Variants in FTO observed in about 807,000 individuals in gnomAD.
FTO encodes alpha-ketoglutarate-dependent dioxygenase FTO.
FTO carries 47 observed loss-of-function variants against 63.9 expected under a neutral mutation model. The observed-to-expected ratio is 0.74, with a 90% CI of 0.58 to 0.94. The LOEUF (loss-of-function observed/expected upper bound fraction) is 0.94, where lower values mean the gene tolerates loss of function less well. FTO is among the 40% of genes least tolerant of loss of function. FTO has a pLI of 0.00. For missense variants in FTO, 562 were observed against 618.1 expected, an observed-to-expected ratio of 0.91 and a Z score of 0.96; for synonymous variants, 207 against 224.4, an observed-to-expected ratio of 0.92 and a Z score of 0.69.
chr16:53,818,989 G>C (rs1489038184), intron 2 of FTO, among the ~76,000 whole-genome samples: 3 of 152,084 alleles, frequency 2.0e-5, no homozygotes, highest in African/African-American at 7.2e-5. Context: ...TTTAGGTTCT[G>C]ATAGATCTTG....
At chr16:53,924,254 T>TC (rs1455384337) in intron 7 of FTO, among the ~76,000 whole-genome samples, 1 of 152,232 alleles carries the variant, frequency 6.6e-6, no homozygotes, top group Non-Finnish European at 1.5e-5. Context: ...TTCGGTGCTA[T>TC]TACTTATACC....
At chr16:54,057,621 G>A (rs1273588954) in intron 8 of FTO, among the ~76,000 whole-genome samples, 3 of 151,750 alleles carry the variant, frequency 2.0e-5, no homozygotes, top group African/African-American at 7.3e-5. Context: ...GGGCCACCAC[G>A]CCTGGCTAAT....
At chr16:54,059,001 T>C (rs1213305458) in intron 8 of FTO, among the ~76,000 whole-genome samples, 1 of 152,180 alleles carries the variant, frequency 6.6e-6, no homozygotes, top group Non-Finnish European at 1.5e-5. Context: ...TGAACCAAAG[T>C]AGGAGAGATA....
chr16:53,860,081 A>G lies in FTO; in HGVS notation c.896-13705A>G, dbSNP rs114366741. Among the ~76,000 whole-genome samples the G allele has an allele frequency of 5.6e-3, 859 of 152,038 alleles. 15 individuals are homozygous for G. The highest frequency in any genetic ancestry group is 0.02 in the African/African-American group (825 of 41,322). On this transcript the variant is annotated intron_variant, in intron 4 of 8. Transcript: ENST00000471389. The stretch of plus-strand genomic sequence containing the variant: ...ATTGAATAAAGAAAATGCAGTAGGT[A>G]TATCTATATCTATATCTACACACAC...
intron 3 of FTO, among the ~76,000 whole-genome samples, chr16:53,833,878 G>A (rs951514522): frequency 1.3e-5 from 2 of 151,874 alleles, no homozygotes; most frequent in Admixed American, 6.6e-5. Flanking sequence ...TATCTTCTTT[G>A]GAGACATGTC....
intron 8 of FTO, among the ~76,000 whole-genome samples, chr16:53,986,808 T>A (rs551754240): frequency 7.5e-4 from 114 of 152,352 alleles, no homozygotes; most frequent in African/African-American, 2.6e-3. Context: ...GACATTAAAT[T>A]ACTGAGTAAA....
chr16:53,787,808 C>T (rs1427662720), intron 1 of FTO, among the ~76,000 whole-genome samples: 3 of 152,138 alleles, frequency 2.0e-5, no homozygotes, highest in Non-Finnish European at 2.9e-5. Context: ...GGCAAATGAG[C>T]GTAGACTCCA....
chr16:53,775,814 A>G (rs894176623), intron 1 of FTO, among the ~76,000 whole-genome samples: 8 of 152,044 alleles, frequency 5.3e-5, no homozygotes, highest in African/African-American at 1.9e-4. Flanking sequence ...TATTCCTTTG[A>G]TCACTTAGGC....
intron 8 of FTO, among the ~76,000 whole-genome samples, chr16:54,014,956 A>C (rs2144102449): frequency 6.6e-6 from 1 of 150,960 alleles, no homozygotes; most frequent in South Asian, 2.1e-4. Flanking sequence ...CCTAGCCCCA[A>C]GCAATCCTCC....
At chr16:53,891,576 A>G (rs975694147) in intron 7 of FTO, among the ~76,000 whole-genome samples, 2 of 152,118 alleles carry the variant, frequency 1.3e-5, no homozygotes, top group Non-Finnish European at 2.9e-5. Flanking sequence ...TGGGAGGATC[A>G]TTGGAGCCCA....
chr16:53,925,284 G>A (rs35013387), intron 7 of FTO, among the ~76,000 whole-genome samples: 6,199 of 152,146 alleles, frequency 0.041, 201 homozygotes, highest in Non-Finnish European at 0.052. Context: ...GTGCAGAGGG[G>A]AAATACAGCC....
intron 8 of FTO, chr16:53,985,013 A>C: frequency 2.2e-6 from 1 of 455,992 alleles, no homozygotes; most frequent in Non-Finnish European, 4.4e-6. Flanking sequence ...CAAATAGGTG[A>C]AGTTTAGTTT....
intron 7 of FTO, among the ~76,000 whole-genome samples, chr16:53,922,604 A>G (rs1259858880): frequency 5.3e-5 from 8 of 152,220 alleles, no homozygotes; most frequent in Non-Finnish European, 8.8e-5. Context: ...AAAATCCTTG[A>G]AAGGAAAACA....
chr16:53,821,683 C>T (rs118137179), intron 2 of FTO, among the ~76,000 whole-genome samples: 2 of 152,224 alleles, frequency 1.3e-5, no homozygotes, highest in East Asian at 3.9e-4. Context: ...CCACACTTAC[C>T]TAGTAAAGTC....
intron 8 of FTO, among the ~76,000 whole-genome samples, chr16:54,081,832 G>T (rs529454887): frequency 6.6e-6 from 1 of 152,262 alleles, no homozygotes; most frequent in African/African-American, 2.4e-5. Context: ...ATTAAATCTG[G>T]ATGATCATAA....
intron 8 of FTO, among the ~76,000 whole-genome samples, chr16:54,096,024 G>A (rs1197681359): frequency 6.6e-6 from 1 of 152,188 alleles, no homozygotes; most frequent in African/African-American, 2.4e-5. Flanking sequence ...TGACTTTCCT[G>A]CTAGCATGTA....
At chr16:53,842,303 A>G (rs1343440476) in intron 3 of FTO, among the ~76,000 whole-genome samples, 2 of 152,228 alleles carry the variant, frequency 1.3e-5, no homozygotes, top group Non-Finnish European at 2.9e-5. Context: ...CAGCTCCACT[A>G]AAAGGAGAAG....
At chr16:54,004,670 A>G (rs934516323) in intron 8 of FTO, among the ~76,000 whole-genome samples, 1 of 152,162 alleles carries the variant, frequency 6.6e-6, no homozygotes, top group Non-Finnish European at 1.5e-5. Flanking sequence ...CATGTCACAC[A>G]TACATGTGAG....
At chr16:54,101,685 T>G (rs1225240973) in intron 8 of FTO, among the ~76,000 whole-genome samples, 2 of 152,204 alleles carry the variant, frequency 1.3e-5, no homozygotes, top group Non-Finnish European at 1.5e-5. Flanking sequence ...TACCCAGTAA[T>G]GGGATTGCTG....
Sources: gnomAD v4.1 joint callset for allele counts (sites outside exome capture counted in the v4.1 genomes callset) on GRCh38, gnomAD v4.1.1 for gene constraint, MANE v1.5 for transcripts, NCBI Gene and HGNC (gene_info 2026-07-23, HGNC 2026-07-21) for gene names.